Variants in TRUB1 observed in about 807,000 individuals in gnomAD.
TRUB1 encodes the protein pseudouridylate synthase TRUB1.
Under a neutral mutation model 33.9 loss-of-function variants are expected in TRUB1, and 23 were observed. That is an observed-to-expected ratio of 0.68 (90% CI 0.49 to 0.96). The LOEUF (loss-of-function observed/expected upper bound fraction) is 0.96, where lower values mean the gene tolerates loss of function less well. Among genes scored for constraint, TRUB1 ranks in the 40% least tolerant of loss-of-function variants. The pLI, the probability that TRUB1 is intolerant of heterozygous loss-of-function variation, is 0.00. For synonymous variants in TRUB1, 163 were observed against 165.4 expected (o/e 0.99, Z 0.11); for missense variants, 378 against 422.2 (o/e 0.90, Z 0.92).
chr10:114,938,639 G>T, intron 1 of TRUB1, 100 bp downstream of exon 1: 1 of 1,291,834 alleles, frequency 7.7e-7, no homozygotes. Context: ...ACAAAAGGAG[G>T]GGAAAGGGAG....
At chr10:114,960,829 AG>A (rs1338749498) in intron 4 of TRUB1, among the ~76,000 whole-genome samples, 13 of 152,136 alleles carry the variant, frequency 8.5e-5, no homozygotes, top group Non-Finnish European at 1.6e-4. Context: ...AAGGAGGCAT[AG>A]GGCAATAGGA....
chr10:114,944,975 A>G (rs1385019784), intron 2 of TRUB1, among the ~76,000 whole-genome samples: 2 of 152,138 alleles, frequency 1.3e-5, no homozygotes, highest in Non-Finnish European at 2.9e-5. Flanking sequence ...GCACAACAAA[A>G]CAAAAACCCC....
rs747561986 is a variant in TRUB1 at position 114,975,162 on chromosome 10, C to CTTCG, written c.833_834insTTCG (p.Lys279SerfsTer15). ...GCCAATGTGCTAGAGCTGACCCGAA[C>CTTCG]CAAACAGGGACCATTTACGCTAGAA... On this transcript the variant is annotated frameshift_variant, in exon 8 of 8. Transcript: ENST00000298746. LOFTEE classifies it high-confidence loss of function. 1 of 1,613,272 alleles carries CTTCG rather than the reference C, an allele frequency of 6.2e-7. No individual in the cohort carries two copies.
intron 2 of TRUB1, among the ~76,000 whole-genome samples, chr10:114,950,308 T>C (rs1281281106): frequency 6.6e-6 from 1 of 152,144 alleles, no homozygotes; most frequent in East Asian, 1.9e-4. Flanking sequence ...ATTGGAGATA[T>C]TTTTTCTAGT....
At chr10:114,942,445 T>C (rs1245238112) in intron 1 of TRUB1, among the ~76,000 whole-genome samples, 200 bp from the exon 2 acceptor site, 1 of 152,232 alleles carries the variant, frequency 6.6e-6, no homozygotes, top group Non-Finnish European at 1.5e-5. Flanking sequence ...TTTGGAATAC[T>C]CTTTCTTTAT....
intron 3 of TRUB1, among the ~76,000 whole-genome samples, chr10:114,956,356 C>A (rs1321025539): frequency 1.3e-5 from 2 of 152,100 alleles, no homozygotes; most frequent in African/African-American, 4.8e-5. Flanking sequence ...AGAATTTAAG[C>A]CAGTGAAAAG....
intron 5 of TRUB1, 27 bp from the exon 6 acceptor site, chr10:114,972,107 TC>T: frequency 6.2e-7 from 1 of 1,610,292 alleles, no homozygotes; most frequent in Non-Finnish European, 8.5e-7. Context: ...CTCCTTTCCT[TC>T]CATTTCTCCT....
intron 1 of TRUB1, among the ~76,000 whole-genome samples, chr10:114,941,392 C>T (rs542707104): frequency 2.1e-4 from 32 of 151,418 alleles, no homozygotes; most frequent in Non-Finnish European, 4.0e-4. Flanking sequence ...GGCTGGAATA[C>T]AGTGGCACAG....
chr10:114,950,281 T>A (rs1181313810), intron 2 of TRUB1, among the ~76,000 whole-genome samples: 1 of 152,240 alleles, frequency 6.6e-6, no homozygotes, highest in East Asian at 1.9e-4. Flanking sequence ...ACTCACTGAA[T>A]GGTATTTGCT....
Position 114,970,433 on chromosome 10 carries a change from C to G in TRUB1, c.589C>G (p.Pro197Ala). The G allele has an allele frequency of 6.2e-7, 1 of 1,603,586 alleles. No homozygotes were observed. Among genetic ancestry groups the G allele is most frequent in the Non-Finnish European group, 8.5e-7 (1 of 1,171,468 alleles). Residue 197 changes from proline (P) to alanine (A), a missense_variant, in exon 5 of 8, where the codon CCC becomes GCC. By Grantham distance (27) the Pro-to-Ala change is conservative. Coordinates refer to ENST00000298746, the MANE Select transcript of TRUB1 (RefSeq NM_139169.5). ...ATTTACTGGAAATATAATGCAAGTG[C>G]CCCCCCTGTAAGTTCAATTAGTAAA... ...QKFTGNIMQV[P>A]PLYSALKKDG...
At chr10:114,945,195 G>A (rs947649753) in intron 2 of TRUB1, among the ~76,000 whole-genome samples, 1 of 152,186 alleles carries the variant, frequency 6.6e-6, no homozygotes, top group African/African-American at 2.4e-5. Context: ...CAGGATTTGA[G>A]CCCAGATCTG....
At chr10:114,966,861 A>T (rs2143024070) in intron 4 of TRUB1, among the ~76,000 whole-genome samples, 1 of 152,324 alleles carries the variant, frequency 6.6e-6, no homozygotes, top group Non-Finnish European at 1.5e-5. Context: ...ATTTTATATT[A>T]GGATGGCTCT....
intron 1 of TRUB1, among the ~76,000 whole-genome samples, chr10:114,941,603 A>G (rs2084187104): frequency 6.6e-6 from 1 of 152,152 alleles, no homozygotes; most frequent in South Asian, 2.1e-4. Flanking sequence ...TCGGCCTCCC[A>G]AAGTGCTGGG....
At chr10:114,967,463 T>A (rs2084315172) in intron 4 of TRUB1, among the ~76,000 whole-genome samples, 1 of 152,236 alleles carries the variant, frequency 6.6e-6, no homozygotes, top group African/African-American at 2.4e-5. Context: ...TCCAGTTAAA[T>A]CTCAACTATG....
chr10:114,945,208 C>T (rs1245346783), intron 2 of TRUB1, among the ~76,000 whole-genome samples: 3 of 152,214 alleles, frequency 2.0e-5, no homozygotes, highest in Non-Finnish European at 4.4e-5. Context: ...CAGATCTGCT[C>T]AGTTCCAAAT....
intron 1 of TRUB1, 59 bp downstream of exon 1, chr10:114,938,598 T>G: frequency 6.8e-7 from 1 of 1,464,422 alleles, no homozygotes; most frequent in Non-Finnish European, 9.1e-7. Flanking sequence ...GGAAGCACAT[T>G]AGGCTTTTTG....
At chr10:114,946,070 T>C (rs2084209914) in intron 2 of TRUB1, among the ~76,000 whole-genome samples, 1 of 152,194 alleles carries the variant, frequency 6.6e-6, no homozygotes, top group South Asian at 2.1e-4. Flanking sequence ...TCTGGAAACT[T>C]ATGAGAAGTC....
chr10:114,959,860 T>C (rs2084277969), intron 4 of TRUB1, 53 bp downstream of exon 4: 1 of 1,099,672 alleles, frequency 9.1e-7, no homozygotes. Context: ...GAAAAGTTTC[T>C]GTGCAGGTAG....
chr10:114,944,855 CATACCT>C (rs2084204911), intron 2 of TRUB1, among the ~76,000 whole-genome samples: 1 of 151,762 alleles, frequency 6.6e-6, no homozygotes, highest in African/African-American at 2.4e-5. Flanking sequence ...TGTGGTGACA[CATACCT>C]ATAGTCCCAG....
Sources: allele counts gnomAD v4.1 joint callset (sites outside exome capture counted in the v4.1 genomes callset), GRCh38; gene constraint gnomAD v4.1.1; transcripts MANE v1.5; gene names NCBI Gene and HGNC (gene_info 2026-07-23, HGNC 2026-07-21).